The following PDZD2 variants were observed in gnomAD, a reference collection of about 807,000 sequenced individuals.
PDZD2 encodes the protein PDZ domain-containing protein 2.
In PDZD2, 90 loss-of-function variants were observed where a neutral mutation model predicts 220.7. The observed-to-expected ratio is 0.41, with a 90% CI of 0.34 to 0.49. PDZD2 has a LOEUF of 0.49. Among genes scored for constraint, PDZD2 ranks in the 20% least tolerant of loss-of-function variants. The pLI is 0.28. For missense variants in PDZD2, 3,174 were observed against 3,608.5 expected (o/e 0.88, Z 3.08); for synonymous variants, 1,375 against 1,450.5 (o/e 0.95, Z 1.18).
At chr5:31,866,424 C>T (rs1158866433) in intron 2 of PDZD2, among the ~76,000 whole-genome samples, 1 of 152,130 alleles carries the variant, frequency 6.6e-6, no homozygotes, top group African/African-American at 2.4e-5. Context: ...TTAATTCCTG[C>T]TGTCGGCCCG....
chr5:31,762,479 G>T (rs931719651), intron 1 of PDZD2, among the ~76,000 whole-genome samples: 1 of 152,100 alleles, frequency 6.6e-6, no homozygotes, highest in African/African-American at 2.4e-5. Flanking sequence ...GTAGAGATGG[G>T]GTTTCACCAT....
At chr5:31,710,562 A>G (rs771204759) in intron 1 of PDZD2, among the ~76,000 whole-genome samples, 9 of 152,148 alleles carry the variant, frequency 5.9e-5, no homozygotes, top group Non-Finnish European at 1.3e-4. Flanking sequence ...TCATGCCTGT[A>G]ATCTCAGCAC....
intron 2 of PDZD2, among the ~76,000 whole-genome samples, chr5:31,880,791 CTTTTTTTTTTTTTTTTT>C (rs1037018187): frequency 1.3e-5 from 1 of 76,486 alleles, no homozygotes; most frequent in Non-Finnish European, 2.4e-5. Flanking sequence ...TTTTTTTTTT[CTTTTTTTTTTTTTTTTT>C]TTTTTTTTTT....
chr5:31,666,922 C>T (rs1360345379), intron 1 of PDZD2, among the ~76,000 whole-genome samples: 2 of 152,100 alleles, frequency 1.3e-5, no homozygotes, highest in African/African-American at 4.8e-5. Context: ...TTCACTCATT[C>T]ACCAAATATT....
chr5:32,072,321 A>G lies in PDZD2; in HGVS notation c.2725+4A>G. The G allele has an allele frequency of 6.2e-7, 1 of 1,608,954 alleles. No homozygotes were observed. Among genetic ancestry groups the G allele is most frequent in the Non-Finnish European group, 8.5e-7 (1 of 1,177,144 alleles). ...AGCCTGCCTCCCAGCACCTCCAGTA[A>G]GCAGGGGTGCCCCAGAGGGCCTGGG... On this transcript the variant is annotated splice_donor_region_variant and intron_variant, in intron 17 of 24. Transcript: ENST00000438447.
chr5:31,762,390 C>T (rs1290934027), intron 1 of PDZD2, among the ~76,000 whole-genome samples: 4 of 152,228 alleles, frequency 2.6e-5, no homozygotes, highest in Non-Finnish European at 4.4e-5. Flanking sequence ...TGGGTTCAAG[C>T]GATTCTCCTT....
chr5:32,100,580 G>T, intron 23 of PDZD2: 1 of 341,734 alleles, frequency 2.9e-6, no homozygotes, highest in Non-Finnish European at 5.7e-6. Flanking sequence ...GGAGTGGCAG[G>T]AGCGGGGAGG....
chr5:31,888,542 G>A (rs775379671), intron 2 of PDZD2, among the ~76,000 whole-genome samples: 19 of 135,440 alleles, frequency 1.4e-4, no homozygotes, highest in Non-Finnish European at 2.9e-4. Context: ...TCAGGGCTAC[G>A]TACTCCGATT....
intron 2 of PDZD2, among the ~76,000 whole-genome samples, chr5:31,912,870 C>T (rs1461859162): frequency 2.0e-5 from 3 of 152,156 alleles, no homozygotes; most frequent in Admixed American, 6.5e-5. Context: ...CTCTGAAGTT[C>T]GGGCTTTCAT....
chr5:31,737,402 G>T (rs1749965712), intron 1 of PDZD2, among the ~76,000 whole-genome samples: 1 of 152,002 alleles, frequency 6.6e-6, no homozygotes, highest in Non-Finnish European at 1.5e-5. Flanking sequence ...TTGATCTCCT[G>T]ACCTCGTGAT....
chr5:32,086,843 ATTTT>A (rs10710224), intron 19 of PDZD2, among the ~76,000 whole-genome samples: 2 of 85,208 alleles, frequency 2.3e-5, no homozygotes, highest in African/African-American at 4.8e-5. Context: ...TGCCCAGCTA[ATTTT>A]TTTTTTTTTT....
At chr5:31,755,517 G>A (rs1353300941) in intron 1 of PDZD2, among the ~76,000 whole-genome samples, 2 of 151,968 alleles carry the variant, frequency 1.3e-5, no homozygotes, top group Admixed American at 6.6e-5. Context: ...CTCTCTCCTC[G>A]AATGAGTACG....
intron 1 of PDZD2, among the ~76,000 whole-genome samples, chr5:31,739,293 GTCTTTAAATACA>G (rs1412310563): frequency 6.6e-6 from 1 of 152,060 alleles, no homozygotes; most frequent in Non-Finnish European, 1.5e-5. Context: ...ATGATTCGTT[GTCTTTAAATACA>G]TCCTGCAGAA....
chr5:31,674,643 G>A (rs1248447402), intron 1 of PDZD2, among the ~76,000 whole-genome samples: 1 of 152,148 alleles, frequency 6.6e-6, no homozygotes, highest in Non-Finnish European at 1.5e-5. Flanking sequence ...GTGGCTGACT[G>A]GATGCCTCTG....
intron 2 of PDZD2, among the ~76,000 whole-genome samples, chr5:31,926,896 A>T (rs893523308): frequency 2.0e-5 from 3 of 152,262 alleles, no homozygotes; most frequent in Admixed American, 1.3e-4. Flanking sequence ...GTCATAAAAA[A>T]AATGAAATCA....
chr5:32,041,365 C>T (rs539561818), intron 7 of PDZD2, among the ~76,000 whole-genome samples: 4 of 152,152 alleles, frequency 2.6e-5, no homozygotes, highest in Admixed American at 6.5e-5. Flanking sequence ...CCATCGAGAA[C>T]GGGCCATGAT....
At chr5:32,085,979 T>TAA (rs1434411375) in intron 19 of PDZD2, among the ~76,000 whole-genome samples, 1 of 152,234 alleles carries the variant, frequency 6.6e-6, no homozygotes, top group East Asian at 1.9e-4. Flanking sequence ...TTCCTTACCT[T>TAA]CCTCCTCCTC....
At chr5:32,044,304 G>A (rs971369251) in intron 7 of PDZD2, among the ~76,000 whole-genome samples, 3 of 152,052 alleles carry the variant, frequency 2.0e-5, no homozygotes, top group South Asian at 2.1e-4. Context: ...ACTGCAGCCC[G>A]GGCAACACCA....
At chr5:32,097,131 C>G in intron 21 of PDZD2, 148 bp from the exon 22 acceptor site, 1 of 621,796 alleles carries the variant, frequency 1.6e-6, no homozygotes. Context: ...TGGCTGAGAG[C>G]CAAAGAACCT....
Sources: allele counts gnomAD v4.1 joint callset (sites outside exome capture counted in the v4.1 genomes callset), GRCh38; gene constraint gnomAD v4.1.1; transcripts MANE v1.5; gene names NCBI Gene and HGNC (gene_info 2026-07-23, HGNC 2026-07-21).